ALK: variants seen among roughly 807,000 people sequenced by gnomAD.
ALK encodes ALK tyrosine kinase receptor.
ALK carries 74 observed loss-of-function variants against 163.1 expected under a neutral mutation model. That is an observed-to-expected ratio of 0.45 (90% CI 0.38 to 0.55). The LOEUF is 0.55. Among genes scored for constraint, ALK ranks in the 20% least tolerant of loss-of-function variants. The probability of loss-of-function intolerance (pLI) is 0.00; values close to 1 mark genes in which losing one functional copy is unlikely to be tolerated. For synonymous variants in ALK, 960 were observed against 843.2 expected (o/e 1.14, Z -2.40); for missense variants, 2,063 against 2,105.3 (o/e 0.98, Z 0.39).
Position 29,342,012 on chromosome 2 carries a change from GA to G in ALK, c.1283-13532del, listed in dbSNP as rs545025736. 2.0e-3 allele frequency among the ~76,000 whole-genome samples: 306 copies of G among 152,200 alleles called. 3 individuals are homozygous for G. Among genetic ancestry groups the G allele is most frequent in the African/African-American group, 7.0e-3 (291 of 41,540 alleles). On this transcript the variant is annotated intron_variant, in intron 5 of 28. Coordinates refer to ENST00000389048, the MANE Select transcript of ALK (RefSeq NM_004304.5). ...GGCAGGAAGGATAAATAACAACAACGAAAATAATATTCAGCCTACTATGTAT... is the reference window on the plus strand; with the variant it reads ...GGCAGGAAGGATAAATAACAACAACGAAATAATATTCAGCCTACTATGTAT...
At position 29,907,740 on chromosome 2, in the gene ALK, C is replaced by G. The variant is rs577409205; in HGVS notation, c.667+12253G>C. Among the ~76,000 whole-genome samples the G allele has an allele frequency of 3.9e-5, 6 of 152,172 alleles. No homozygotes were observed. In the South Asian group the frequency reaches 1.2e-3, roughly 32 times the overall value. ...ATTACCACGTGCATGTAAATAGCTC[C>G]CACATCGATATCTTCAGCCTTGACC... On this transcript the variant is annotated intron_variant, in intron 1 of 28. Transcript: ENST00000389048.
chr2:29,494,861 T>TGC (rs1671986799), intron 4 of ALK, among the ~76,000 whole-genome samples: 1 of 151,660 alleles, frequency 6.6e-6, no homozygotes, highest in East Asian at 1.9e-4. Context: ...TGTGTGTGTG[T>TGC]GTGTGTGTGT....
At position 29,590,771 on chromosome 2, in the gene ALK, C is replaced by A. The variant is rs185196507; in HGVS notation, c.953-58655G>T. 5.3e-5 allele frequency among the ~76,000 whole-genome samples: 8 copies of A among 152,248 alleles called. No homozygotes were observed. In the East Asian group the frequency reaches 1.5e-3, roughly 29 times the overall value. ...AGTTGAGCCTCATCTCTCTCCCTCC[C>A]TGCAAAAATCCCACTGCAGGCCGGG... On this transcript the variant is annotated intron_variant, in intron 3 of 28. Coordinates refer to ENST00000389048, the MANE Select transcript of ALK (RefSeq NM_004304.5).
At chr2:29,316,614 C>T (rs954406735) in intron 8 of ALK, among the ~76,000 whole-genome samples, 4 of 152,106 alleles carry the variant, frequency 2.6e-5, no homozygotes, top group East Asian at 1.9e-4. Flanking sequence ...AGGATCCTCC[C>T]GTCCTCTCCG....
At chr2:29,815,857 C>T (rs1212741814) in intron 1 of ALK, among the ~76,000 whole-genome samples, 1 of 152,138 alleles carries the variant, frequency 6.6e-6, no homozygotes, top group Non-Finnish European at 1.5e-5. Context: ...TGTTTACAGT[C>T]CCTTTGTGTA....
intron 1 of ALK, among the ~76,000 whole-genome samples, chr2:29,842,297 TG>T (rs1300385630): frequency 6.6e-6 from 1 of 152,190 alleles, no homozygotes; most frequent in Non-Finnish European, 1.5e-5. Context: ...GATATTTGTT[TG>T]AGTGACTTCA....
At chr2:29,315,631 A>T (rs985181629) in intron 8 of ALK, among the ~76,000 whole-genome samples, 5 of 152,142 alleles carry the variant, frequency 3.3e-5, no homozygotes, top group Non-Finnish European at 7.3e-5. Flanking sequence ...ACTCTTCGCG[A>T]TGTCATTCAG....
At chr2:29,544,334 G>C (rs189003693) in intron 3 of ALK, among the ~76,000 whole-genome samples, 99 of 152,254 alleles carry the variant, frequency 6.5e-4, no homozygotes, top group African/African-American at 2.3e-3. Flanking sequence ...GGGGACTCCT[G>C]GGTACAACAA....
At chr2:29,813,771 A>T (rs1427691755) in intron 1 of ALK, among the ~76,000 whole-genome samples, 1 of 152,060 alleles carries the variant, frequency 6.6e-6, no homozygotes, top group Non-Finnish European at 1.5e-5. Flanking sequence ...TCCTTGTGGA[A>T]CCCCGTAACT....
chr2:29,909,860 C>A (rs559842648), intron 1 of ALK, among the ~76,000 whole-genome samples: 1 of 151,882 alleles, frequency 6.6e-6, no homozygotes, highest in African/African-American at 2.4e-5. Flanking sequence ...TGACAATAAT[C>A]CTTGAAAGTA....
chr2:29,735,532 G>A (rs544028951), intron 1 of ALK, among the ~76,000 whole-genome samples: 4 of 151,994 alleles, frequency 2.6e-5, no homozygotes, highest in Non-Finnish European at 5.9e-5. Flanking sequence ...GCTAGTTTAA[G>A]CTTTACTTGA....
chr2:29,203,920 C>T (rs1158505101), intron 26 of ALK, among the ~76,000 whole-genome samples: 2 of 152,038 alleles, frequency 1.3e-5, no homozygotes, highest in Admixed American at 1.3e-4. Flanking sequence ...TTCCTTCTCT[C>T]TGGGACTCCT....
intron 1 of ALK, among the ~76,000 whole-genome samples, chr2:29,769,085 C>T (rs977956631): frequency 7.9e-5 from 12 of 152,182 alleles, no homozygotes; most frequent in Admixed American, 1.3e-4. Context: ...CCACCCACCT[C>T]GTCCTCCCAA....
intron 1 of ALK, among the ~76,000 whole-genome samples, chr2:29,780,648 C>T (rs1336767334): frequency 6.6e-6 from 1 of 152,180 alleles, no homozygotes; most frequent in African/African-American, 2.4e-5. Flanking sequence ...TTAGGGATAT[C>T]TGAGCAGCGC....
At chr2:29,771,513 C>T (rs933708999) in intron 1 of ALK, among the ~76,000 whole-genome samples, 2 of 152,114 alleles carry the variant, frequency 1.3e-5, no homozygotes, top group Non-Finnish European at 2.9e-5. Flanking sequence ...AGGGCTATGA[C>T]TTGCACCCTG....
At chr2:29,509,105 G>T (rs933991186) in intron 4 of ALK, among the ~76,000 whole-genome samples, 1 of 152,200 alleles carries the variant, frequency 6.6e-6, no homozygotes, top group African/African-American at 2.4e-5. Flanking sequence ...ATGGTCATGT[G>T]TGGAGGCTTT....
Position 29,476,355 on chromosome 2 carries a change from C to T in ALK, c.1154+55560G>A, listed in dbSNP as rs576613808. On this transcript the variant is annotated intron_variant, in intron 4 of 28. Coordinates refer to ENST00000389048, the MANE Select transcript of ALK (RefSeq NM_004304.5). ...ACAGTACAGTAGGGACATAAAATTA[C>T]CACAATCATTTTAAACACCAACATT... Among the ~76,000 whole-genome samples, 3 of 152,272 alleles carry T rather than the reference C, an allele frequency of 2.0e-5. No individual in the cohort carries two copies. In the South Asian group the frequency reaches 6.2e-4, roughly 32 times the overall value.
At chr2:29,234,651 C>T (rs76590213) in intron 13 of ALK, among the ~76,000 whole-genome samples, 3 of 152,138 alleles carry the variant, frequency 2.0e-5, no homozygotes, top group East Asian at 1.9e-4. Flanking sequence ...AGTGTGGCTG[C>T]GAATGAAGAC....
rs143382348 is a variant in ALK at position 29,501,219 on chromosome 2, T to C, written c.1154+30696A>G. On this transcript the variant is annotated intron_variant, in intron 4 of 28. Transcript: ENST00000389048. ...CCTTCTGTCCTCTCCACTGATTCTTTCAAGTCCCCACCATCATTCCCCTTC... is the reference window on the plus strand; with the variant it reads ...CCTTCTGTCCTCTCCACTGATTCTTCCAAGTCCCCACCATCATTCCCCTTC... Among the ~76,000 whole-genome samples, 421 of 152,298 alleles carry C rather than the reference T, an allele frequency of 2.8e-3. 3 individuals are homozygous for C. The highest frequency in any genetic ancestry group is 9.9e-3 in the African/African-American group (411 of 41,558).
Sources: allele counts gnomAD v4.1 joint callset (sites outside exome capture counted in the v4.1 genomes callset), GRCh38; gene constraint gnomAD v4.1.1; transcripts MANE v1.5; gene names NCBI Gene and HGNC (gene_info 2026-07-23, HGNC 2026-07-21).